Variants in KIF1B observed in about 807,000 individuals in gnomAD.
KIF1B encodes kinesin family member 1B, also known as kinesin-like protein KIF1B.
A neutral mutation model predicts 241.9 loss-of-function variants in KIF1B; 76 were observed. That is an observed-to-expected ratio of 0.31 (90% CI 0.26 to 0.38). The LOEUF (loss-of-function observed/expected upper bound fraction) is 0.38, where lower values mean the gene tolerates loss of function less well. Among genes scored for constraint, KIF1B ranks in the 10% least tolerant of loss-of-function variants. The pLI, the probability that KIF1B is intolerant of heterozygous loss-of-function variation, is 1.00. For synonymous variants in KIF1B, 750 were observed against 796.7 expected, an observed-to-expected ratio of 0.94 and a Z score of 0.99; for missense variants, 1,622 against 2,271.4, an observed-to-expected ratio of 0.71 and a Z score of 5.81.
At chr1:10,244,083 A>G (rs1647174238) in intron 2 of KIF1B, among the ~76,000 whole-genome samples, 1 of 152,170 alleles carries the variant, frequency 6.6e-6, no homozygotes, top group African/African-American at 2.4e-5. Context: ...GAATATGTAT[A>G]GTACATTTAT....
chr1:10,282,560 A>T, intron 15 of KIF1B, 27 bp downstream of exon 15: 1 of 1,562,852 alleles, frequency 6.4e-7, no homozygotes, highest in Non-Finnish European at 8.8e-7. Context: ...ACTGAATACA[A>T]GGTATTCTAT....
intron 5 of KIF1B, 60 bp from the exon 6 acceptor site, chr1:10,267,320 G>A (rs1004086161): frequency 5.7e-5 from 85 of 1,502,840 alleles, no homozygotes; most frequent in East Asian, 4.5e-4. Context: ...GAGCCACCGC[G>A]CCCGGCTTCT....
At position 10,310,405 on chromosome 1, in the gene KIF1B, A is replaced by G. The variant is rs182525873; in HGVS notation, c.2116-9638A>G. Among the ~76,000 whole-genome samples, 212 of 151,666 alleles carry G rather than the reference A, an allele frequency of 1.4e-3. 2 individuals carry two copies. Among genetic ancestry groups the G allele is most frequent in the Non-Finnish European group, 2.1e-3 (143 of 68,022 alleles). ...GCTTGGTAAGCATTTTCTGTAAAAC[A>G]CTAGATAGTAAATATTTTAGACTTA... On this transcript the variant is annotated intron_variant, in intron 22 of 48. Transcript: ENST00000676179.
intron 40 of KIF1B, 108 bp downstream of exon 40, chr1:10,361,933 G>T: frequency 7.3e-7 from 1 of 1,362,076 alleles, no homozygotes; most frequent in Non-Finnish European, 1.0e-6. Context: ...TACAGTTTAT[G>T]AACCATTTTG....
intron 22 of KIF1B, among the ~76,000 whole-genome samples, chr1:10,300,380 A>G (rs1650481435): frequency 6.6e-6 from 1 of 151,714 alleles, no homozygotes; most frequent in East Asian, 1.9e-4. Flanking sequence ...GATACATTTG[A>G]ACTTTAAAGA....
At chr1:10,223,825 T>C (rs2102108770) in intron 1 of KIF1B, among the ~76,000 whole-genome samples, 1 of 152,202 alleles carries the variant, frequency 6.6e-6, no homozygotes, top group East Asian at 1.9e-4. Flanking sequence ...ATTACAGGCG[T>C]GAGCCACTGT....
chr1:10,224,555 A>G (rs1323816560), intron 1 of KIF1B, among the ~76,000 whole-genome samples: 1 of 151,786 alleles, frequency 6.6e-6, no homozygotes, highest in Non-Finnish European at 1.5e-5. Context: ...AGTAGCTGGG[A>G]TTACCGATGC....
chr1:10,233,456 G>C (rs949203583), intron 2 of KIF1B, among the ~76,000 whole-genome samples: 1 of 151,912 alleles, frequency 6.6e-6, no homozygotes, highest in Non-Finnish European at 1.5e-5. Context: ...CTCCAGACTT[G>C]GCAATAGAGC....
At chr1:10,364,200 C>CTTTTTTTTCTTTTTTTTTTTT (rs1449980463) in intron 41 of KIF1B, among the ~76,000 whole-genome samples, 19 of 113,846 alleles carry the variant, frequency 1.7e-4, no homozygotes, top group African/African-American at 6.4e-4. Context: ...GGGACAGGAT[C>CTTTTTTTTCTTTTTTTTTTTT]TTTTTTTTTT....
chr1:10,272,506 A>G, intron 9 of KIF1B, 200 bp downstream of exon 9: 1 of 657,068 alleles, frequency 1.5e-6, no homozygotes, highest in South Asian at 1.5e-5. Context: ...ACTAAGGAGA[A>G]CAAAAGTAAA....
chr1:10,217,843 T>A (rs1009812838), intron 1 of KIF1B, among the ~76,000 whole-genome samples: 1 of 151,990 alleles, frequency 6.6e-6, no homozygotes. Context: ...TATACCTGAT[T>A]TATTAATTTT....
chr1:10,375,194 A>G, intron 47 of KIF1B, 61 bp from the exon 48 acceptor site: 1 of 1,505,988 alleles, frequency 6.6e-7, no homozygotes. Flanking sequence ...GGAATATGGC[A>G]AGGCAGTCCC....
At chr1:10,350,503 G>T (rs1652754471) in intron 37 of KIF1B, among the ~76,000 whole-genome samples, 1 of 152,104 alleles carries the variant, frequency 6.6e-6, no homozygotes, top group Non-Finnish European at 1.5e-5. Context: ...AGCTTGCAGT[G>T]AGCCACGATT....
intron 14 of KIF1B, among the ~76,000 whole-genome samples, chr1:10,281,598 A>G (rs964468031): frequency 1.3e-5 from 2 of 152,200 alleles, no homozygotes; most frequent in Non-Finnish European, 2.9e-5. Context: ...TTGCTCTGAC[A>G]GAAGAATGGA....
intron 43 of KIF1B, among the ~76,000 whole-genome samples, chr1:10,367,062 A>G (rs1349759022): frequency 6.6e-6 from 1 of 152,126 alleles, no homozygotes; most frequent in Non-Finnish European, 1.5e-5. Flanking sequence ...TATCTTTATT[A>G]CAGTAATCTG....
intron 17 of KIF1B, among the ~76,000 whole-genome samples, chr1:10,293,395 T>G (rs1650105680): frequency 3.6e-5 from 1 of 27,426 alleles, no homozygotes; most frequent in Admixed American, 3.0e-4. Flanking sequence ...GTGAGGAAAT[T>G]TTTTTTTTTT....
intron 22 of KIF1B, chr1:10,308,598 G>A (rs1482112696): frequency 9.9e-7 from 1 of 1,014,360 alleles, no homozygotes; most frequent in African/African-American, 1.7e-5. Flanking sequence ...CATCTTTTAA[G>A]AGTGTGATTT....
At position 10,337,171 on chromosome 1, in the gene KIF1B, C is replaced by T. The variant is rs924994950; in HGVS notation, c.3227C>T (p.Pro1076Leu). 6.2e-6 allele frequency: 10 copies of T among 1,614,028 alleles called. No individual in the cohort carries two copies. Among genetic ancestry groups the T allele is most frequent in the Admixed American group, 5.0e-5 (3 of 59,986 alleles). ...GQGQSSEVIT[P>L]PEEISRINDL... Reference sequence around the variant, plus strand: ...GGTCAGAGTTCTGAGGTCATCACTCCTCCAGAAGAAATCAGTCGAATTAAT... The same window carrying T: ...GGTCAGAGTTCTGAGGTCATCACTCTTCCAGAAGAAATCAGTCGAATTAAT... The change falls in exon 30 of 49, where the codon CCT (proline) becomes CTT (leucine). Residue 1076 changes from proline (P) to leucine (L), a missense_variant. Transcript: ENST00000676179. This position sits in a 1 kb window ranked among gnomAD's most constrained non-coding sequence, Gnocchi z 4.0.
chr1:10,327,927 A>G (rs920795070), intron 27 of KIF1B, among the ~76,000 whole-genome samples: 3 of 152,160 alleles, frequency 2.0e-5, no homozygotes, highest in Non-Finnish European at 2.9e-5. Context: ...TTATCTCACC[A>G]GGTGCAGTGG....
Sources: allele counts gnomAD v4.1 joint callset (sites outside exome capture counted in the v4.1 genomes callset), GRCh38; gene constraint gnomAD v4.1.1; non-coding constraint Gnocchi (gnomAD v3.1); transcripts MANE v1.5; gene names NCBI Gene and HGNC (gene_info 2026-07-23, HGNC 2026-07-21).